NAA50: variants seen among roughly 807,000 people sequenced by gnomAD.
The protein encoded by NAA50 is N-alpha-acetyltransferase 50, NatE catalytic subunit.
NAA50 carries 7 observed loss-of-function variants against 20.7 expected under a neutral mutation model. The ratio of observed to expected loss-of-function variants is 0.34; its 90% CI spans 0.19 to 0.63. The LOEUF (loss-of-function observed/expected upper bound fraction) is 0.63, where lower values mean the gene tolerates loss of function less well. NAA50 is among the 30% of genes least tolerant of loss of function. The pLI is 0.75. For missense variants in NAA50, 111 were observed against 199.1 expected, an observed-to-expected ratio of 0.56 and a Z score of 2.66; for synonymous variants, 54 against 70.6, an observed-to-expected ratio of 0.77 and a Z score of 1.18.
At chr3:113,725,904 G>A (rs763860451) in intron 1 of NAA50, among the ~76,000 whole-genome samples, 20 of 152,182 alleles carry the variant, frequency 1.3e-4, no homozygotes, top group Admixed American at 2.6e-4. Flanking sequence ...CCAGTTTGGA[G>A]AACATTCTAC....
At chr3:113,745,843 C>T in intron 1 of NAA50, 99 bp downstream of exon 1, 1 of 1,371,952 alleles carries the variant, frequency 7.3e-7, no homozygotes, top group Non-Finnish European at 9.8e-7. Context: ...CGCCCGTCTT[C>T]GCCCTGAATC....
chr3:113,721,691 G>A lies in NAA50; in HGVS notation c.*69C>T, dbSNP rs2107983287. 6.6e-7 allele frequency: 1 copy of A among 1,512,652 alleles called. No individual in the cohort carries two copies. Among genetic ancestry groups the A allele is most frequent in the Non-Finnish European group, 9.2e-7 (1 of 1,092,782 alleles). The allele number at this position is 1,512,652 out of a possible 1,614,324, so 93.7% of individuals were successfully genotyped here. A position where few individuals can be genotyped will look rare whatever the true frequency, so the allele number is the denominator to read the frequency against. The stretch of plus-strand genomic sequence containing the variant: ...CTTTAAAAGAAAAGTGTTGGGGTGG[G>A]GGAGGAATCAATGGGCCTCTCTTTT... On this transcript the variant is annotated 3_prime_UTR_variant, in exon 5 of 5. Coordinates refer to ENST00000240922, the MANE Select transcript of NAA50 (RefSeq NM_025146.4).
intron 1 of NAA50, among the ~76,000 whole-genome samples, chr3:113,725,886 T>C (rs1180003597): frequency 1.3e-5 from 2 of 152,248 alleles, no homozygotes; most frequent in African/African-American, 4.8e-5. Context: ...TGTATTACTC[T>C]ATAATGCCCA....
chr3:113,723,932 G>C (rs772513671), intron 2 of NAA50, 27 bp downstream of exon 2: 2 of 1,519,640 alleles, frequency 1.3e-6, no homozygotes, highest in South Asian at 2.7e-5. Context: ...GAAAAGAAGG[G>C]AGGACAAAAA....
chr3:113,744,461 C>T (rs576718971), intron 1 of NAA50, among the ~76,000 whole-genome samples: 99 of 150,212 alleles, frequency 6.6e-4, no homozygotes, highest in Non-Finnish European at 1.2e-3. Flanking sequence ...CAGACCCTGC[C>T]TCATTAAAAA....
chr3:113,746,177 A>T lies in NAA50; in HGVS notation c.-228T>A. 2.0e-6 allele frequency: 1 copy of T among 503,406 alleles called. No homozygotes were observed. The allele number at this position is 503,406 out of a possible 1,614,324, so 31.2% of individuals were successfully genotyped here. ...CGCGCTTGTGCCGCCGCTTCTCCAC[A>T]CGTGCACTCGGGTCTCTCGGCTCCC... On this transcript the variant is annotated 5_prime_UTR_variant, in exon 1 of 5. Coordinates refer to ENST00000240922, the MANE Select transcript of NAA50 (RefSeq NM_025146.4).
chr3:113,726,311 C>CT (rs1165843335), intron 1 of NAA50, among the ~76,000 whole-genome samples: 1 of 152,134 alleles, frequency 6.6e-6, no homozygotes, highest in Non-Finnish European at 1.5e-5. Flanking sequence ...AACTTCTAGT[C>CT]ACTTAAGTAT....
intron 1 of NAA50, chr3:113,745,623 G>C (rs531919302): frequency 2.8e-6 from 1 of 362,478 alleles, no homozygotes; most frequent in Non-Finnish European, 5.0e-6. Flanking sequence ...CCGCTCCCGG[G>C]AAGGAGGCCC....
At chr3:113,732,755 A>C (rs1708287800) in intron 1 of NAA50, among the ~76,000 whole-genome samples, 1 of 152,224 alleles carries the variant, frequency 6.6e-6, no homozygotes. Context: ...ATAGATAATA[A>C]TTTTTGAAGG....
chr3:113,722,349 TTAAAA>T (rs1221696418), intron 4 of NAA50, among the ~76,000 whole-genome samples: 10 of 152,110 alleles, frequency 6.6e-5, no homozygotes, highest in Admixed American at 6.6e-4. Context: ...GTTTTAAAAA[TTAAAA>T]ACGCAAGCTT....
chr3:113,728,866 G>C (rs1708234010), intron 1 of NAA50, among the ~76,000 whole-genome samples: 1 of 152,098 alleles, frequency 6.6e-6, no homozygotes, highest in Non-Finnish European at 1.5e-5. Context: ...AATCTGCTTT[G>C]CTTGCAGTTT....
Position 113,746,183 on chromosome 3 carries a change from A to C in NAA50, c.-234T>G. Reference sequence around the variant, plus strand: ...TGTGCCGCCGCTTCTCCACACGTGCACTCGGGTCTCTCGGCTCCCTCCCGC... The same window carrying C: ...TGTGCCGCCGCTTCTCCACACGTGCCCTCGGGTCTCTCGGCTCCCTCCCGC... On this transcript the variant is annotated 5_prime_UTR_variant, in exon 1 of 5. Transcript: ENST00000240922. The C allele has an allele frequency of 3.9e-6, 2 of 514,816 alleles. No individual in the cohort carries two copies. Among genetic ancestry groups the C allele is most frequent in the South Asian group, 4.9e-5 (2 of 41,150 alleles). 31.9% of individuals were successfully genotyped at this position (514,816 alleles called of 1,614,324 possible).
chr3:113,729,071 C>T lies in NAA50; in HGVS notation c.9-4976G>A, dbSNP rs567358019. On this transcript the variant is annotated intron_variant, in intron 1 of 4. Coordinates refer to ENST00000240922, the MANE Select transcript of NAA50 (RefSeq NM_025146.4). Reference sequence around the variant, plus strand: ...TGCAATCTCAGCTTATTGCAACCTCCGCATCCTGGGTTCAAGCAATCCTCC... The same window carrying T: ...TGCAATCTCAGCTTATTGCAACCTCTGCATCCTGGGTTCAAGCAATCCTCC... Among the ~76,000 whole-genome samples, 11 of 151,878 alleles carry T rather than the reference C, an allele frequency of 7.2e-5. No homozygotes were observed. In the South Asian group the frequency reaches 1.0e-3, roughly 14 times the overall value.
intron 1 of NAA50, among the ~76,000 whole-genome samples, chr3:113,724,408 C>T (rs181398762): frequency 1.3e-5 from 2 of 152,260 alleles, no homozygotes; most frequent in Admixed American, 1.3e-4. Flanking sequence ...TTAGATACAC[C>T]TATTTCTGGT....
intron 2 of NAA50, 133 bp downstream of exon 2, chr3:113,723,826 T>G (rs1708166127): frequency 9.5e-7 from 1 of 1,057,914 alleles, no homozygotes; most frequent in African/African-American, 1.6e-5. Context: ...TCTCACAACC[T>G]AGACCACTCC....
At chr3:113,732,685 G>A (rs1333017051) in intron 1 of NAA50, among the ~76,000 whole-genome samples, 2 of 152,162 alleles carry the variant, frequency 1.3e-5, no homozygotes, top group Non-Finnish European at 2.9e-5. Context: ...TAATTCATAT[G>A]AACTCAATTA....
intron 1 of NAA50, among the ~76,000 whole-genome samples, chr3:113,728,979 T>C (rs935613897): frequency 1.3e-5 from 2 of 152,050 alleles, no homozygotes; most frequent in African/African-American, 4.8e-5. Context: ...GATACACTTT[T>C]TTCCTTTTCT....
chr3:113,736,239 T>A (rs970254006), intron 1 of NAA50, among the ~76,000 whole-genome samples: 2 of 152,170 alleles, frequency 1.3e-5, no homozygotes, highest in African/African-American at 4.8e-5. Flanking sequence ...TTTTTCAGAT[T>A]CATAACAATC....
chr3:113,738,681 A>G (rs1359939493), intron 1 of NAA50, among the ~76,000 whole-genome samples: 1 of 152,222 alleles, frequency 6.6e-6, no homozygotes, highest in Non-Finnish European at 1.5e-5. Context: ...GGTACATAAA[A>G]CTAAAACTTG....
Sources: gnomAD v4.1 joint callset for allele counts (sites outside exome capture counted in the v4.1 genomes callset) on GRCh38, gnomAD v4.1.1 for gene constraint, MANE v1.5 for transcripts, NCBI Gene and HGNC (gene_info 2026-07-23, HGNC 2026-07-21) for gene names.